The following RNF216 variants were observed in gnomAD, a reference collection of about 807,000 sequenced individuals.
RNF216 encodes ring finger protein 216.
A neutral mutation model predicts 110.8 loss-of-function variants in RNF216; 72 were observed. That is an observed-to-expected ratio of 0.65 (90% CI 0.54 to 0.79). The LOEUF (loss-of-function observed/expected upper bound fraction) is 0.79, where lower values mean the gene tolerates loss of function less well. Ranked by LOEUF, RNF216 falls within the 30% of genes least tolerant of loss-of-function variation. RNF216 has a pLI of 0.00. For synonymous variants in RNF216, 495 were observed against 407.5 expected, an observed-to-expected ratio of 1.21 and a Z score of -2.59; for missense variants, 1,342 against 1,141.2, an observed-to-expected ratio of 1.18 and a Z score of -2.54.
At chr7:5,647,253 GAGA>G (rs892624736) in intron 14 of RNF216, among the ~76,000 whole-genome samples, 1 of 151,260 alleles carries the variant, frequency 6.6e-6, no homozygotes, top group African/African-American at 2.4e-5. Context: ...TGTATTTTTT[GAGA>G]AGAACTAAAG....
intron 13 of RNF216, among the ~76,000 whole-genome samples, chr7:5,667,617 C>T (rs1789613832): frequency 6.6e-6 from 1 of 152,202 alleles, no homozygotes; most frequent in Non-Finnish European, 1.5e-5. Flanking sequence ...CAGAAACAAG[C>T]CAGGCTGACC....
At chr7:5,655,721 CTG>C (rs1227646370) in intron 13 of RNF216, among the ~76,000 whole-genome samples, 3 of 147,974 alleles carry the variant, frequency 2.0e-5, no homozygotes, top group Non-Finnish European at 4.4e-5. Flanking sequence ...GGAGCTCTCT[CTG>C]TGTAGTGTCT....
chr7:5,747,637 G>C (rs796483165), intron 3 of RNF216, among the ~76,000 whole-genome samples: 7 of 150,218 alleles, frequency 4.7e-5, no homozygotes, highest in African/African-American at 1.7e-4. Context: ...TGTAATCCTA[G>C]CTACTCTGGA....
In RNF216 at chr7:5,739,261, T is replaced by C. The variant is rs201243385; in HGVS notation, c.1121+15A>G. On this transcript the variant is annotated intron_variant, in intron 5 of 16. Transcript: ENST00000389902. Reference sequence around the variant, plus strand: ...CACCACCACCACCACAAAAAAAGCATGGTAGTATACTTACACATTCAGATC... The same window carrying C: ...CACCACCACCACCACAAAAAAAGCACGGTAGTATACTTACACATTCAGATC... 62 of 1,538,822 alleles carry C rather than the reference T, an allele frequency of 4.0e-5. No individual in the cohort carries two copies. Among genetic ancestry groups the C allele is most frequent in the Non-Finnish European group, 5.0e-5 (57 of 1,148,676 alleles).
intron 14 of RNF216, among the ~76,000 whole-genome samples, chr7:5,644,572 A>G (rs940463844): frequency 6.6e-6 from 1 of 150,524 alleles, no homozygotes; most frequent in Non-Finnish European, 1.5e-5. Flanking sequence ...GTAGTGTAAT[A>G]TCAGCTCACT....
chr7:5,752,099 T>G (rs1795362522), intron 3 of RNF216, among the ~76,000 whole-genome samples: 1 of 151,878 alleles, frequency 6.6e-6, no homozygotes, highest in South Asian at 2.1e-4. Context: ...GCAGGAGAAT[T>G]GCTTGAAACC....
intron 3 of RNF216, among the ~76,000 whole-genome samples, chr7:5,744,923 G>A (rs1396782148): frequency 6.6e-6 from 1 of 151,434 alleles, no homozygotes; most frequent in Non-Finnish European, 1.5e-5. Flanking sequence ...AGTGAGCCAA[G>A]ATCGCGCCAT....
At chr7:5,779,503 A>T (rs2128688267) in intron 1 of RNF216, among the ~76,000 whole-genome samples, 1 of 152,162 alleles carries the variant, frequency 6.6e-6, no homozygotes, top group South Asian at 2.1e-4. Flanking sequence ...CTAAATTGAG[A>T]TGTTTCATAG....
At chr7:5,748,889 A>G (rs1408234597) in intron 3 of RNF216, among the ~76,000 whole-genome samples, 1 of 152,178 alleles carries the variant, frequency 6.6e-6, no homozygotes, top group African/African-American at 2.4e-5. Flanking sequence ...ACTGGCAAAT[A>G]AAGAATTTTA....
At chr7:5,665,394 T>C (rs1051316958) in intron 13 of RNF216, among the ~76,000 whole-genome samples, 1 of 152,196 alleles carries the variant, frequency 6.6e-6, no homozygotes, top group African/African-American at 2.4e-5. Flanking sequence ...TATTTTTTGT[T>C]TTCATACACA....
chr7:5,721,918 G>A (rs778113373), intron 8 of RNF216, among the ~76,000 whole-genome samples: 1 of 152,142 alleles, frequency 6.6e-6, no homozygotes, highest in Admixed American at 6.6e-5. Context: ...TCACTGATTT[G>A]GCAATTTATG....
chr7:5,718,116 C>A lies in RNF216; in HGVS notation c.1645-1350G>T, dbSNP rs1396065767. Among the ~76,000 whole-genome samples the A allele has an allele frequency of 2.0e-5, 3 of 152,320 alleles. 1 individual carries two copies. The highest frequency in any genetic ancestry group is 4.1e-4 in the South Asian group (2 of 4,830). ...AAGCAGGGGGCCAGGTGCAGTGGCT[C>A]ACGCCTATAATCCCAGCACTTTGGG... On this transcript the variant is annotated intron_variant, in intron 9 of 16. Transcript: ENST00000389902.
At position 5,671,805 on chromosome 7, in the gene RNF216, C is replaced by CAAAAAAAAAAAAAAAA. The variant is rs11319565; in HGVS notation, c.2062-19311_2062-19296dup. Among the ~76,000 whole-genome samples the CAAAAAAAAAAAAAAAA allele has an allele frequency of 1.8e-3, 98 of 54,218 alleles. 1 individual carries two copies. Among genetic ancestry groups the CAAAAAAAAAAAAAAAA allele is most frequent in the Non-Finnish European group, 2.7e-3 (83 of 30,360 alleles). 35.6% of individuals were successfully genotyped at this position (54,218 alleles called of 152,430 possible). On this transcript the variant is annotated intron_variant, in intron 13 of 16. Transcript: ENST00000389902. Reference sequence around the variant, plus strand: ...GAGCAAAGAGACCAAAACTCCGTCTCAAAAAAAAAAAAAAAAAAAAAAAAG... The same window carrying CAAAAAAAAAAAAAAAA: ...GAGCAAAGAGACCAAAACTCCGTCTCAAAAAAAAAAAAAAAAAAAAAAAAAAAAAAAAAAAAAAAAG...
chr7:5,721,355 C>G (rs1002335235), intron 8 of RNF216, among the ~76,000 whole-genome samples, 183 bp from the exon 9 acceptor site: 3 of 152,176 alleles, frequency 2.0e-5, no homozygotes, highest in Non-Finnish European at 4.4e-5. Context: ...ACCTACCATC[C>G]ATTTTTTGAC....
chr7:5,741,162 T>C lies in RNF216; in HGVS notation c.855A>G (p.Ser285=). The change falls in exon 4 of 17, where the codon TCA becomes TCG. Residue 285 remains serine, a synonymous_variant. Transcript: ENST00000389902. ...PRPEPQQGGI[S]GPSSPQPAHP... ...GGGCAGGCTGAGGAGAAGAGGGGCC[T>C]GAAATCCCACCTTGCTGGGGTTCCG... is the stretch of plus-strand genomic sequence containing the variant. 1 of 1,614,134 alleles carries C rather than the reference T, an allele frequency of 6.2e-7. No individual in the cohort carries two copies. The highest frequency in any genetic ancestry group is 8.5e-7 in the Non-Finnish European group (1 of 1,180,034).
At chr7:5,718,060 A>G (rs1793174913) in intron 9 of RNF216, among the ~76,000 whole-genome samples, 1 of 152,218 alleles carries the variant, frequency 6.6e-6, no homozygotes, top group Non-Finnish European at 1.5e-5. Context: ...AAGGTAAACC[A>G]AAGACTAACA....
chr7:5,687,352 C>T (rs955969884), intron 13 of RNF216, among the ~76,000 whole-genome samples: 4 of 138,188 alleles, frequency 2.9e-5, no homozygotes, highest in Non-Finnish European at 6.0e-5. Flanking sequence ...GCTGAGACTG[C>T]GTCACTGCTC....
At chr7:5,703,846 G>C (rs1175688396) in intron 13 of RNF216, among the ~76,000 whole-genome samples, 1 of 152,176 alleles carries the variant, frequency 6.6e-6, no homozygotes, top group East Asian at 1.9e-4. Flanking sequence ...TGGAAAACTT[G>C]ACTTACACAG....
chr7:5,673,195 G>A (rs1467909812), intron 13 of RNF216, among the ~76,000 whole-genome samples: 2 of 152,286 alleles, frequency 1.3e-5, no homozygotes, highest in African/African-American at 2.4e-5. Context: ...CACCCCAAGC[G>A]GGGGAAGTCA....
Sources: allele counts gnomAD v4.1 joint callset (sites outside exome capture counted in the v4.1 genomes callset), GRCh38; gene constraint gnomAD v4.1.1; transcripts MANE v1.5; gene names NCBI Gene and HGNC (gene_info 2026-07-23, HGNC 2026-07-21).